Variants in LUZP2 observed in about 807,000 individuals in gnomAD.
The protein encoded by LUZP2 is leucine zipper protein 2.
LUZP2 carries 52 observed loss-of-function variants against 51.6 expected under a neutral mutation model. The observed-to-expected ratio is 1.01, with a 90% confidence interval of 0.81 to 1.27. The LOEUF (loss-of-function observed/expected upper bound fraction) is 1.27, where lower values mean the gene tolerates loss of function less well. Among genes scored for constraint, LUZP2 ranks in the 50% most tolerant of loss-of-function variants. The probability of loss-of-function intolerance (pLI) is 0.00; values close to 1 mark genes in which losing one functional copy is unlikely to be tolerated. For missense variants in LUZP2, 436 were observed against 395.4 expected (o/e 1.10, Z -0.87); for synonymous variants, 154 against 137.3 (o/e 1.12, Z -0.85).
chr11:24,663,786 G>A (rs1003000881), intron 1 of LUZP2, among the ~76,000 whole-genome samples: 2 of 152,148 alleles, frequency 1.3e-5, no homozygotes, highest in South Asian at 2.1e-4. Flanking sequence ...GTGCTAGTAA[G>A]TTCTTAAGAG....
At chr11:24,769,125 T>C (rs956344095) in intron 5 of LUZP2, among the ~76,000 whole-genome samples, 3 of 152,130 alleles carry the variant, frequency 2.0e-5, no homozygotes, top group Non-Finnish European at 2.9e-5. Flanking sequence ...TAAGTGAAAT[T>C]AGCCAAGCAC....
intron 6 of LUZP2, among the ~76,000 whole-genome samples, chr11:24,912,847 C>T (rs901894956): frequency 7.9e-5 from 12 of 152,050 alleles, no homozygotes; most frequent in African/African-American, 2.9e-4. Context: ...AAAACTGAAT[C>T]ACAATAAACT....
At chr11:25,075,885 AT>A (rs1357332991) in intron 10 of LUZP2, among the ~76,000 whole-genome samples, 3 of 152,136 alleles carry the variant, frequency 2.0e-5, no homozygotes, top group Non-Finnish European at 2.9e-5. Context: ...TCCACTCAGA[AT>A]TTTTAGAGTT....
intron 6 of LUZP2, among the ~76,000 whole-genome samples, chr11:24,907,367 T>C (rs1447491847): frequency 6.6e-6 from 1 of 150,936 alleles, no homozygotes; most frequent in Non-Finnish European, 1.5e-5. Flanking sequence ...TTTTATAATA[T>C]CTTTCCTATA....
chr11:24,538,783 C>A (rs898958341), intron 1 of LUZP2, among the ~76,000 whole-genome samples: 2 of 151,456 alleles, frequency 1.3e-5, no homozygotes, highest in African/African-American at 4.8e-5. Flanking sequence ...GCACTTTCAG[C>A]AAATGAAAAG....
intron 5 of LUZP2, among the ~76,000 whole-genome samples, chr11:24,903,325 A>G (rs1853336830): frequency 6.6e-6 from 1 of 152,184 alleles, no homozygotes; most frequent in Non-Finnish European, 1.5e-5. Context: ...ACTTCCTCCC[A>G]TTTGTGTAAA....
At position 25,080,212 on chromosome 11, in the gene LUZP2, T is replaced by G. The variant is rs534178581; in HGVS notation, c.*1554T>G. On this transcript the variant is annotated 3_prime_UTR_variant, in exon 12 of 12. Coordinates refer to ENST00000336930, the MANE Select transcript of LUZP2 (RefSeq NM_001009909.4). ...TTGAATTTTGAATTTTGTTATTTTTTGGAGGGCTAGTGATACATGGTCCAT... is the reference window on the plus strand; with the variant it reads ...TTGAATTTTGAATTTTGTTATTTTTGGGAGGGCTAGTGATACATGGTCCAT... 1.3e-4 allele frequency: 20 copies of G among 152,318 alleles called. No individual in the cohort carries two copies. The highest frequency in any genetic ancestry group is 5.9e-4 in the Admixed American group (9 of 15,290). 9.4% of individuals were successfully genotyped at this position (152,318 alleles called of 1,614,324 possible).
intron 7 of LUZP2, among the ~76,000 whole-genome samples, chr11:24,919,543 G>A (rs1223611144): frequency 7.2e-6 from 1 of 138,538 alleles, no homozygotes; most frequent in Non-Finnish European, 1.5e-5. Flanking sequence ...TACTGTATAT[G>A]TATTCTTTAT....
At chr11:24,977,720 A>G (rs1855917336) in intron 8 of LUZP2, among the ~76,000 whole-genome samples, 1 of 151,660 alleles carries the variant, frequency 6.6e-6, no homozygotes, top group African/African-American at 2.4e-5. Context: ...TGTTGCACAT[A>G]TGCCCATAAT....
chr11:24,859,330 A>G (rs775576613), intron 5 of LUZP2, among the ~76,000 whole-genome samples: 1 of 152,138 alleles, frequency 6.6e-6, no homozygotes, highest in Non-Finnish European at 1.5e-5. Context: ...TGAAGCCCAA[A>G]TTTGTCATTC....
At chr11:25,025,657 G>A (rs1203968036) in intron 9 of LUZP2, among the ~76,000 whole-genome samples, 1 of 152,116 alleles carries the variant, frequency 6.6e-6, no homozygotes, top group Non-Finnish European at 1.5e-5. Context: ...GTGCTGGGGA[G>A]GATGTGGAGA....
At chr11:24,698,981 C>T (rs373583445) in intron 1 of LUZP2, among the ~76,000 whole-genome samples, 252 of 151,976 alleles carry the variant, frequency 1.7e-3, no homozygotes, top group African/African-American at 5.8e-3. Flanking sequence ...TCGATTGAGC[C>T]TGGGAGGTCA....
At chr11:24,972,392 AG>A (rs1471309713) in intron 7 of LUZP2, among the ~76,000 whole-genome samples, 1 of 152,086 alleles carries the variant, frequency 6.6e-6, no homozygotes, top group African/African-American at 2.4e-5. Flanking sequence ...TCTCCCAACA[AG>A]CCTATAAGTT....
At chr11:24,737,510 A>AAAAAAAG (rs1858987640) in intron 3 of LUZP2, among the ~76,000 whole-genome samples, 1 of 151,920 alleles carries the variant, frequency 6.6e-6, no homozygotes, top group East Asian at 1.9e-4. Flanking sequence ...GTAAAAAAAA[A>AAAAAAAG]TCAAGGCACA....
In LUZP2 at chr11:24,832,878, C is replaced by CT. The variant is rs574386974; in HGVS notation, c.396+69576dup. ...GACAGATAGATAGATAAAATGGATACTTTTTTACTTTAGTCCCCTGTATAA... is the reference window on the plus strand; with the variant it reads ...GACAGATAGATAGATAAAATGGATACTTTTTTTACTTTAGTCCCCTGTATAA... On this transcript the variant is annotated intron_variant, in intron 5 of 11. Coordinates refer to ENST00000336930, the MANE Select transcript of LUZP2 (RefSeq NM_001009909.4). Among the ~76,000 whole-genome samples, 347 of 151,460 alleles carry CT rather than the reference C, an allele frequency of 2.3e-3. 1 individual carries two copies. Among genetic ancestry groups the CT allele is most frequent in the Middle Eastern group, 6.8e-3 (2 of 294 alleles).
intron 9 of LUZP2, among the ~76,000 whole-genome samples, chr11:25,015,521 T>G (rs1010633804): frequency 1.3e-5 from 2 of 152,154 alleles, no homozygotes; most frequent in Admixed American, 6.5e-5. Context: ...AGTTTTTCAG[T>G]TTTTCCTTGT....
At chr11:24,843,475 G>A (rs1465078728) in intron 5 of LUZP2, among the ~76,000 whole-genome samples, 2 of 152,010 alleles carry the variant, frequency 1.3e-5, no homozygotes, top group Admixed American at 1.3e-4. Flanking sequence ...AAAATAATGT[G>A]AGCAAAATCT....
intron 10 of LUZP2, 36 bp from the exon 11 acceptor site, chr11:25,077,293 A>T: frequency 6.8e-7 from 1 of 1,474,010 alleles, no homozygotes; most frequent in Non-Finnish European, 9.5e-7. Context: ...TCTTTCTTTA[A>T]CTTCATTGAT....
At chr11:24,858,588 T>A (rs1191183267) in intron 5 of LUZP2, among the ~76,000 whole-genome samples, 2 of 152,196 alleles carry the variant, frequency 1.3e-5, no homozygotes, top group African/African-American at 2.4e-5. Context: ...ATAAAAGAGC[T>A]ATTGCCAAAT....
Sources: allele counts gnomAD v4.1 joint callset (sites outside exome capture counted in the v4.1 genomes callset), GRCh38; gene constraint gnomAD v4.1.1; transcripts MANE v1.5; gene names NCBI Gene and HGNC (gene_info 2026-07-23, HGNC 2026-07-21).